The following SRP54 variants were observed in gnomAD, a reference collection of about 807,000 sequenced individuals.
SRP54 encodes the protein signal recognition particle 54.
A neutral mutation model predicts 64.8 loss-of-function variants in SRP54; 10 were observed. The observed-to-expected ratio is 0.15, with a 90% CI of 0.10 to 0.26. The LOEUF is 0.26. Ranked by LOEUF, SRP54 falls within the 10% of genes least tolerant of loss-of-function variation. The probability of loss-of-function intolerance (pLI) is 1.00; values close to 1 mark genes in which losing one functional copy is unlikely to be tolerated. For missense variants in SRP54, 325 were observed against 613.7 expected (o/e 0.53, Z 4.97); for synonymous variants, 193 against 185.6 (o/e 1.04, Z -0.32).
chr14:35,008,834 A>G lies in SRP54; in HGVS notation c.485+3A>G, dbSNP rs762383106. ...GCAAGAATTCCATTTTATGGAAGGT[A>G]GGTTACTGTTTTTTATTTTAACACT... On this transcript the variant is annotated splice_donor_region_variant and intron_variant, in intron 7 of 15. Coordinates refer to ENST00000216774, the MANE Select transcript of SRP54 (RefSeq NM_003136.4). 6.7e-7 allele frequency: 1 copy of G among 1,496,102 alleles called. No homozygotes were observed. Among genetic ancestry groups the G allele is most frequent in the East Asian group, 2.6e-5 (1 of 38,086 alleles). The allele number at this position is 1,496,102 out of a possible 1,614,324, so 92.7% of individuals were successfully genotyped here.
At chr14:34,994,994 C>G (rs992837101) in intron 1 of SRP54, among the ~76,000 whole-genome samples, 7 of 136,332 alleles carry the variant, frequency 5.1e-5, no homozygotes, top group Admixed American at 1.6e-4. Flanking sequence ...GTTGCCCAGG[C>G]TGGTTTCCAA....
chr14:34,987,275 G>A (rs61989478), intron 1 of SRP54, among the ~76,000 whole-genome samples: 48 of 131,492 alleles, frequency 3.7e-4, no homozygotes, highest in African/African-American at 4.7e-4. Flanking sequence ...GTGTGTGTGT[G>A]TATATATATA....
intron 1 of SRP54, among the ~76,000 whole-genome samples, chr14:34,996,154 A>G (rs1038602330): frequency 2.0e-5 from 3 of 152,222 alleles, no homozygotes; most frequent in East Asian, 1.9e-4. Context: ...ATCACTTAGT[A>G]TAGCGCTTCG....
chr14:34,987,679 A>C (rs1194830241), intron 1 of SRP54, among the ~76,000 whole-genome samples: 1 of 152,126 alleles, frequency 6.6e-6, no homozygotes, highest in Non-Finnish European at 1.5e-5. Flanking sequence ...TCCGTTCATA[A>C]GTTGAAGGAT....
chr14:34,994,697 T>A (rs926133543), intron 1 of SRP54, among the ~76,000 whole-genome samples: 1 of 152,212 alleles, frequency 6.6e-6, no homozygotes, highest in African/African-American at 2.4e-5. Context: ...ACTCAAATTC[T>A]ACTCTTATTT....
At chr14:34,989,087 T>A (rs887472835) in intron 1 of SRP54, among the ~76,000 whole-genome samples, 2 of 152,170 alleles carry the variant, frequency 1.3e-5, no homozygotes, top group Non-Finnish European at 2.9e-5. Context: ...GTTGGTTGAA[T>A]CCATGGTTGT....
At chr14:35,014,140 T>G (rs190162950) in intron 10 of SRP54, among the ~76,000 whole-genome samples, 56 of 152,168 alleles carry the variant, frequency 3.7e-4, no homozygotes, top group Admixed American at 8.5e-4. Flanking sequence ...CAAAAACAAG[T>G]GGTTTTAATA....
chr14:35,008,662 C>G lies in SRP54; in HGVS notation c.396C>G (p.Thr132=). Residue 132 remains threonine (T), a synonymous_variant, in exon 6 of 16, where the codon ACC becomes ACG. Transcript: ENST00000216774. ...AYYYQRKGWK[T]CLICADTFRA... ...ATTACCAGAGGAAAGGTTGGAAGAC[C>G]TGTTTAATATGTGCAGACACATTCA... The G allele has an allele frequency of 6.3e-7, 1 of 1,594,482 alleles. No homozygotes were observed. The highest frequency in any genetic ancestry group is 8.5e-7 in the Non-Finnish European group (1 of 1,170,770).
chr14:34,994,935 T>A, intron 1 of SRP54, among the ~76,000 whole-genome samples: 1 of 15,148 alleles, frequency 6.6e-5, no homozygotes, highest in Admixed American at 5.2e-4. Flanking sequence ...CTGGCTACTT[T>A]TTTTTTTTTT....
At chr14:34,999,809 G>A (rs72680641) in intron 3 of SRP54, 160 bp downstream of exon 3, 22,136 of 496,986 alleles carry the variant, frequency 0.045, 623 homozygotes, top group Middle Eastern at 0.098. Context: ...AGCATGTGTA[G>A]TACGTTTCCA....
At position 35,008,632 on chromosome 14, in the gene SRP54, A is replaced by C. The variant is rs774248607; in HGVS notation, c.366A>C (p.Ala122=). ...SGKTTTCSKL[A]YYYQRKGWKT... ...TTAAATCTTTTCTCACCCAGCTAGC[A>C]TATTATTACCAGAGGAAAGGTTGGA... The change falls in exon 6 of 16, where the codon GCA becomes GCC. Residue 122 remains alanine (A), a synonymous_variant. Transcript: ENST00000216774. The C allele has an allele frequency of 6.4e-7, 1 of 1,569,458 alleles. No homozygotes were observed. The highest frequency in any genetic ancestry group is 1.4e-5 in the African/African-American group (1 of 73,760).
Position 35,007,434 on chromosome 14 carries a change from G to A in SRP54, c.360+47G>A, listed in dbSNP as rs766345941. 45 of 1,220,378 alleles carry A rather than the reference G, an allele frequency of 3.7e-5. 1 individual carries two copies. The South Asian group carries it at 5.2e-4, about 14-fold the overall frequency. 75.6% of individuals were successfully genotyped at this position (1,220,378 alleles called of 1,614,324 possible). On this transcript the variant is annotated intron_variant, in intron 5 of 15. Transcript: ENST00000216774. ...AAGAAGTCATATGGAAGATAGGTTT[G>A]TATAAATCAAGTTTTGTATTTAATA...
intron 11 of SRP54, among the ~76,000 whole-genome samples, chr14:35,016,817 C>T (rs1045355485): frequency 7.4e-5 from 11 of 148,024 alleles, no homozygotes; most frequent in Non-Finnish European, 1.5e-4. Flanking sequence ...CCTTTGTTGC[C>T]TGTCTCTTTG....
intron 15 of SRP54, 107 bp from the exon 16 acceptor site, chr14:35,028,954 C>A: frequency 1.2e-6 from 1 of 845,040 alleles, no homozygotes; most frequent in Non-Finnish European, 1.8e-6. Flanking sequence ...AAATTGCAAT[C>A]AGAATTCAGT....
chr14:34,987,528 A>T (rs924281509), intron 1 of SRP54, among the ~76,000 whole-genome samples: 1 of 152,046 alleles, frequency 6.6e-6, no homozygotes, highest in African/African-American at 2.4e-5. Flanking sequence ...ATTCATGTGG[A>T]ACCATAATAT....
At chr14:34,998,132 C>T (rs1210198198) in intron 2 of SRP54, among the ~76,000 whole-genome samples, 2 of 152,042 alleles carry the variant, frequency 1.3e-5, no homozygotes, top group African/African-American at 4.8e-5. Flanking sequence ...TGGTAAGCCT[C>T]TCTCTGTAGG....
At chr14:35,024,470 C>T (rs2044588141) in intron 14 of SRP54, among the ~76,000 whole-genome samples, 2 of 151,928 alleles carry the variant, frequency 1.3e-5, no homozygotes, top group Admixed American at 6.6e-5. Context: ...TCCATTTTTC[C>T]CCCTTATATC....
intron 3 of SRP54, 62 bp downstream of exon 3, chr14:34,999,711 GC>G: frequency 8.3e-7 from 1 of 1,205,730 alleles, no homozygotes; most frequent in Non-Finnish European, 1.2e-6. Context: ...GGAAAGAGGT[GC>G]TAACTGGAAG....
Position 35,023,046 on chromosome 14 carries a change from A to G in SRP54, c.1293A>G (p.Val431=), listed in dbSNP as rs1198608315. The part of the protein sequence containing the change: ...LTQYTKFAQM[V]KKMGGIKGLF... The stretch of plus-strand genomic sequence containing the variant: ...AATATACCAAGTTTGCACAGATGGT[A>G]AAAAAGATGGGAGGTATCAAAGGAC... The change falls in exon 14 of 16, where the codon GTA becomes GTG. Residue 431 remains valine (V), a synonymous_variant. Coordinates refer to ENST00000216774, the MANE Select transcript of SRP54 (RefSeq NM_003136.4). 6.2e-6 allele frequency: 10 copies of G among 1,612,934 alleles called. No homozygotes were observed. Among genetic ancestry groups the G allele is most frequent in the Non-Finnish European group, 8.5e-6 (10 of 1,179,434 alleles).
Sources: gnomAD v4.1 joint callset for allele counts (sites outside exome capture counted in the v4.1 genomes callset) on GRCh38, gnomAD v4.1.1 for gene constraint, MANE v1.5 for transcripts, NCBI Gene and HGNC (gene_info 2026-07-23, HGNC 2026-07-21) for gene names.